The following SNX5 variants were observed in gnomAD, a reference collection of about 807,000 sequenced individuals.
The protein encoded by SNX5 is sorting nexin 5, also known as sorting nexin-5.
A neutral mutation model predicts 53.9 loss-of-function variants in SNX5; 31 were observed. That is an observed-to-expected ratio of 0.58 (90% confidence interval 0.43 to 0.78). SNX5 has a LOEUF of 0.78. Ranked by LOEUF, SNX5 falls within the 30% of genes least tolerant of loss-of-function variation. The pLI, the probability that SNX5 is intolerant of heterozygous loss-of-function variation, is 0.00. For missense variants in SNX5, 471 were observed against 478.8 expected (o/e 0.98, Z 0.15); for synonymous variants, 168 against 171.1 (o/e 0.98, Z 0.14).
intron 4 of SNX5, 24 bp downstream of exon 4, chr20:17,953,972 A>G: frequency 6.3e-7 from 1 of 1,590,422 alleles, no homozygotes; most frequent in Non-Finnish European, 8.6e-7. Flanking sequence ...CAAAAGACAG[A>G]GCCCACCAGG....
At chr20:17,959,211 T>C (rs2035410902) in intron 1 of SNX5, among the ~76,000 whole-genome samples, 1 of 152,210 alleles carries the variant, frequency 6.6e-6, no homozygotes. Flanking sequence ...ATCAAGTAAA[T>C]GGAGCTCATT....
intron 1 of SNX5, chr20:17,961,102 G>C (rs1600351871): frequency 1.0e-6 from 1 of 982,826 alleles, no homozygotes; most frequent in Non-Finnish European, 1.2e-6. Flanking sequence ...TCCCTAAAAG[G>C]AGAAAAGTAG....
At chr20:17,959,583 G>C (rs543896949) in intron 1 of SNX5, among the ~76,000 whole-genome samples, 7 of 152,108 alleles carry the variant, frequency 4.6e-5, no homozygotes, top group African/African-American at 7.2e-5. Context: ...TGTTGTATTT[G>C]GGCCTTAAAG....
At position 17,956,105 on chromosome 20, in the gene SNX5, T is replaced by C. The variant is rs147706944; in HGVS notation, c.157-630A>G. On this transcript the variant is annotated intron_variant, in intron 2 of 12. Coordinates refer to ENST00000377759, the MANE Select transcript of SNX5 (RefSeq NM_014426.4). ...AATTCTATTTTTGTAAGTCTGAATT[T>C]ACCCCCCACCCCCAACTTATGACAA... Among the ~76,000 whole-genome samples the C allele has an allele frequency of 4.5e-3, 681 of 152,180 alleles. 6 individuals are homozygous for C. Among genetic ancestry groups the C allele is most frequent in the African/African-American group, 0.016 (663 of 41,504 alleles).
At chr20:17,954,848 C>A (rs1279088027) in intron 3 of SNX5, among the ~76,000 whole-genome samples, 2 of 152,116 alleles carry the variant, frequency 1.3e-5, no homozygotes, top group African/African-American at 4.8e-5. Context: ...GTGGCTGGGA[C>A]TACAGGTACG....
chr20:17,949,205 C>G (rs2039529850), intron 8 of SNX5, 102 bp from the exon 9 acceptor site: 6 of 916,124 alleles, frequency 6.5e-6, no homozygotes, highest in Non-Finnish European at 6.9e-6. Flanking sequence ...GGAGTCCTAG[C>G]CTTTGGTACT....
intron 1 of SNX5, among the ~76,000 whole-genome samples, chr20:17,959,571 A>C (rs1231885403): frequency 2.0e-5 from 3 of 152,218 alleles, no homozygotes; most frequent in Non-Finnish European, 4.4e-5. Flanking sequence ...CAAATAATGC[A>C]ATGTTGTATT....
chr20:17,948,757 C>T (rs958341905), intron 10 of SNX5, 133 bp downstream of exon 10: 11 of 696,658 alleles, frequency 1.6e-5, no homozygotes, highest in Non-Finnish European at 2.7e-5. Flanking sequence ...TTTATGGATA[C>T]AATGCCAGAA....
intron 1 of SNX5, among the ~76,000 whole-genome samples, chr20:17,966,372 G>C (rs1284686833): frequency 6.9e-6 from 1 of 144,884 alleles, no homozygotes; most frequent in Admixed American, 6.9e-5. Flanking sequence ...ACGACAGAGC[G>C]AGACTCCGTC....
intron 1 of SNX5, among the ~76,000 whole-genome samples, chr20:17,958,419 ATTAC>A (rs965911416): frequency 7.2e-5 from 11 of 152,354 alleles, no homozygotes; most frequent in African/African-American, 2.6e-4. Context: ...AAGCACATGG[ATTAC>A]TTAAGTTTCA....
intron 1 of SNX5, among the ~76,000 whole-genome samples, chr20:17,966,036 G>A (rs964743753): frequency 1.3e-5 from 2 of 152,092 alleles, no homozygotes; most frequent in Admixed American, 6.5e-5. Context: ...GCAGTACTTA[G>A]TCTACAAACA....
chr20:17,947,879 CAGAA>C (rs1248086084), intron 10 of SNX5, among the ~76,000 whole-genome samples: 1 of 141,606 alleles, frequency 7.1e-6, no homozygotes, highest in African/African-American at 2.5e-5. Context: ...AGAGTGAAAA[CAGAA>C]GGACTTTTGT....
chr20:17,961,537 G>GT (rs1243297338), intron 1 of SNX5: 3 of 984,436 alleles, frequency 3.0e-6, no homozygotes, highest in African/African-American at 1.7e-5. Context: ...TGTATACAAT[G>GT]TAAGACATGG....
At position 17,941,733 on chromosome 20, in the gene SNX5, T is replaced by TA. The variant is rs1185735736; in HGVS notation, c.*623dup. ...TTTCCTAATGTAGATCTGGCCATCT[T>TA]ATAAAGCAGACCACATTATTTGTTT... On this transcript the variant is annotated 3_prime_UTR_variant, in exon 13 of 13. Coordinates refer to ENST00000377759, the MANE Select transcript of SNX5 (RefSeq NM_014426.4). 6.6e-6 allele frequency: 1 copy of TA among 152,194 alleles called. No homozygotes were observed. The highest frequency in any genetic ancestry group is 2.4e-5 in the African/African-American group (1 of 41,376). 9.4% of individuals were successfully genotyped at this position (152,194 alleles called of 1,614,324 possible). A position where few individuals can be genotyped will look rare whatever the true frequency, so the allele number is the denominator to read the frequency against.
chr20:17,960,856 A>C (rs1014082231), intron 1 of SNX5, among the ~76,000 whole-genome samples: 6 of 152,126 alleles, frequency 3.9e-5, no homozygotes, highest in African/African-American at 1.4e-4. Context: ...TCTATTTCAG[A>C]ATTTTTAAAA....
rs984136576 is a variant in SNX5, at chr20:17,947,579, C to T, written c.985G>A (p.Ala329Thr). ...YENSNKALDK[A>T]RLKSKDVKLA... ...TTGACGTCTTTGCTCTTTAACCGGGCCTTATCCAGAGCTTTGTTTGAGTTC... is the reference window on the plus strand; with the variant it reads ...TTGACGTCTTTGCTCTTTAACCGGGTCTTATCCAGAGCTTTGTTTGAGTTC... Residue 329 changes from alanine to threonine, a missense_variant, in exon 11 of 13, where the codon GCC becomes ACC. Transcript: ENST00000377759. The T allele has an allele frequency of 6.2e-7, 1 of 1,613,956 alleles. No homozygotes were observed. Among genetic ancestry groups the T allele is most frequent in the Non-Finnish European group, 8.5e-7 (1 of 1,179,884 alleles).
At chr20:17,965,726 GA>G (rs1236944845) in intron 1 of SNX5, among the ~76,000 whole-genome samples, 1 of 150,426 alleles carries the variant, frequency 6.6e-6, no homozygotes, top group Non-Finnish European at 1.5e-5. Flanking sequence ...AAAATAATGT[GA>G]ACAGATAATG....
rs573499197 is a variant in SNX5 at position 17,952,485 on chromosome 20, G to A, written c.513+102C>T. 3 of 1,172,880 alleles carry A rather than the reference G, an allele frequency of 2.6e-6. No homozygotes were observed. In the African/African-American group the frequency reaches 4.6e-5, roughly 18 times the overall value. The allele number at this position is 1,172,880 out of a possible 1,614,324, so 72.7% of individuals were successfully genotyped here. On this transcript the variant is annotated intron_variant, in intron 5 of 12. Coordinates refer to ENST00000377759, the MANE Select transcript of SNX5 (RefSeq NM_014426.4). ...AGCAGCATCTAAAAAGGTTTCCATT[G>A]TGTAAGAAATTCAAAACTTTAAAGC...
At position 17,954,669 on chromosome 20, in the gene SNX5, G is replaced by A. The variant is rs138104131; in HGVS notation, c.268-552C>T. On this transcript the variant is annotated intron_variant, in intron 3 of 12. Coordinates refer to ENST00000377759, the MANE Select transcript of SNX5 (RefSeq NM_014426.4). ...AAAATCAGTTAAGTCTGTTCCTGCCGCCAAGAAATAACAATCAAGGGCTGA... is the reference window on the plus strand; with the variant it reads ...AAAATCAGTTAAGTCTGTTCCTGCCACCAAGAAATAACAATCAAGGGCTGA... 4.5e-3 allele frequency among the ~76,000 whole-genome samples: 689 copies of A among 152,242 alleles called. 6 individuals carry two copies. Among genetic ancestry groups the A allele is most frequent in the African/African-American group, 0.016 (670 of 41,538 alleles).
Sources: allele counts gnomAD v4.1 joint callset (sites outside exome capture counted in the v4.1 genomes callset), GRCh38; gene constraint gnomAD v4.1.1; transcripts MANE v1.5; gene names NCBI Gene and HGNC (gene_info 2026-07-23, HGNC 2026-07-21).